The following RPH3AL variants were observed in gnomAD, a reference collection of about 807,000 sequenced individuals.
RPH3AL encodes rab effector Noc2.
A neutral mutation model predicts 43.1 loss-of-function variants in RPH3AL; 38 were observed. The ratio of observed to expected loss-of-function variants is 0.88; its 90% CI spans 0.68 to 1.15. The LOEUF is 1.15. Ranked by LOEUF, RPH3AL falls within the 50% of genes most tolerant of loss-of-function variation. RPH3AL has a pLI of 0.00. For synonymous variants in RPH3AL, 189 were observed against 176.3 expected (o/e 1.07, Z -0.57); for missense variants, 462 against 423.2 (o/e 1.09, Z -0.81).
In RPH3AL at chr17:213,773, C is replaced by A. The variant is rs1434384116; in HGVS notation, c.*79G>T. The A allele has an allele frequency of 3.3e-6, 4 of 1,199,824 alleles. No homozygotes were observed. In the African/African-American group the frequency reaches 4.5e-5, roughly 13 times the overall value. 74.3% of individuals were successfully genotyped at this position (1,199,824 alleles called of 1,614,324 possible). A position where few individuals can be genotyped will look rare whatever the true frequency, so the allele number is the denominator to read the frequency against. On this transcript the variant is annotated 3_prime_UTR_variant, in exon 10 of 10. Transcript: ENST00000331302. ...GCCAACAGGGTGTCTGGTGAGGGCA[C>A]AAGGACCGGTCAGGGAGGAGCCGGG... is the stretch of plus-strand genomic sequence containing the variant.
At position 274,236 on chromosome 17, in the gene RPH3AL, CG is replaced by C. The variant is rs2042601780; in HGVS notation, c.438+7531del. Among the ~76,000 whole-genome samples the C allele has an allele frequency of 6.6e-6, 1 of 152,236 alleles. No individual in the cohort carries two copies. The highest frequency in any genetic ancestry group is 6.5e-5 in the Admixed American group (1 of 15,282). ...GAAAAGGCACCGCGAAACCCCAGCC[CG>C]GGGCCTCTGACAGCTCAGCACCAGG... On this transcript the variant is annotated intron_variant, in intron 6 of 9. Transcript: ENST00000331302. The surrounding 1 kb of genome is among the most constrained non-coding windows in gnomAD (Gnocchi z 4.7).
chr17:268,969 C>T (rs1299090326), intron 6 of RPH3AL, among the ~76,000 whole-genome samples: 2 of 152,178 alleles, frequency 1.3e-5, no homozygotes, highest in Admixed American at 6.5e-5. Flanking sequence ...AGCTCTGCCT[C>T]CCGGGTTCAC....
In RPH3AL at chr17:289,631, C is replaced by T. The variant is rs2042999454; in HGVS notation, c.352-7777G>A. Among the ~76,000 whole-genome samples, 1 of 152,176 alleles carries T rather than the reference C, an allele frequency of 6.6e-6. No homozygotes were observed. Among genetic ancestry groups the T allele is most frequent in the African/African-American group, 2.4e-5 (1 of 41,430 alleles). ...AGGCTTCCCGCTGCTCTGGGGTGAC[C>T]ACCGCCTCACTTCATACGGCATTCG... On this transcript the variant is annotated intron_variant, in intron 5 of 9. Coordinates refer to ENST00000331302, the MANE Select transcript of RPH3AL (RefSeq NM_006987.4). This position sits in a 1 kb window ranked among gnomAD's most constrained non-coding sequence, Gnocchi z 5.2.
At position 339,930 on chromosome 17, in the gene RPH3AL, C is replaced by A. The variant is rs1434521571; in HGVS notation, c.-212-5996G>T. Among the ~76,000 whole-genome samples the A allele has an allele frequency of 2.0e-5, 3 of 152,128 alleles. No homozygotes were observed. The East Asian group carries it at 5.8e-4, about 29-fold the overall frequency. ...GAGACGGGCTGGCTGTTTCCCGGAGCAGGCAGGGGCTGGGACCTGTGGGAC... is the reference window on the plus strand; with the variant it reads ...GAGACGGGCTGGCTGTTTCCCGGAGAAGGCAGGGGCTGGGACCTGTGGGAC... On this transcript the variant is annotated intron_variant, in intron 1 of 9. Coordinates refer to ENST00000331302, the MANE Select transcript of RPH3AL (RefSeq NM_006987.4).
rs374581122 is a variant in RPH3AL at position 250,446 on chromosome 17, G to A, written c.439-3161C>T. Among the ~76,000 whole-genome samples, 66 of 143,046 alleles carry A rather than the reference G, an allele frequency of 4.6e-4. 1 individual carries two copies. The South Asian group carries it at 0.015, about 33-fold the overall frequency. The allele number at this position is 143,046 out of a possible 152,430, so 93.8% of individuals were successfully genotyped here. On this transcript the variant is annotated intron_variant, in intron 6 of 9. Transcript: ENST00000331302. The stretch of plus-strand genomic sequence containing the variant: ...AGCCTTTACTAAGCTCCGTCACTGC[G>A]GGACCTCTTAGAGCCTAAGTGCCAT...
chr17:336,365 G>C lies in RPH3AL; in HGVS notation c.-212-2431C>G, dbSNP rs370174091. Among the ~76,000 whole-genome samples, 38 of 152,294 alleles carry C rather than the reference G, an allele frequency of 2.5e-4. No homozygotes were observed. In the East Asian group the frequency reaches 3.3e-3, roughly 13 times the overall value. On this transcript the variant is annotated intron_variant, in intron 1 of 9. Coordinates refer to ENST00000331302, the MANE Select transcript of RPH3AL (RefSeq NM_006987.4). ...AAAGAACCACTCACTCGGAAGCGTT[G>C]CAGGCTGACTATGCACCAAGCGGGC... is the stretch of plus-strand genomic sequence containing the variant.
chr17:308,583 G>A (rs1411408658), intron 5 of RPH3AL, among the ~76,000 whole-genome samples: 1 of 152,172 alleles, frequency 6.6e-6, no homozygotes, highest in African/African-American at 2.4e-5. Context: ...ACACAAAGTG[G>A]GGTATGCACA....
intron 5 of RPH3AL, among the ~76,000 whole-genome samples, chr17:285,737 G>A (rs551074475): frequency 9.9e-5 from 15 of 152,240 alleles, no homozygotes; most frequent in South Asian, 6.2e-4. Context: ...GACGGCGCTC[G>A]GCCAGAGGAC....
chr17:305,498 G>A (rs1361862884), intron 5 of RPH3AL, among the ~76,000 whole-genome samples: 4 of 152,088 alleles, frequency 2.6e-5, no homozygotes, highest in East Asian at 1.9e-4. Context: ...GTTACAGGTC[G>A]GTTCCTTCTC....
At chr17:272,966 GT>G (rs2042521977) in intron 6 of RPH3AL, among the ~76,000 whole-genome samples, 1 of 52,502 alleles carries the variant, frequency 1.9e-5, no homozygotes, top group African/African-American at 6.1e-5. Flanking sequence ...CTACGTCAGG[GT>G]GAGACCCCAG....
chr17:260,234 G>A (rs7215219), intron 6 of RPH3AL, among the ~76,000 whole-genome samples: 104,970 of 152,082 alleles, frequency 0.69, 36,255 homozygotes, highest in African/African-American at 0.73. Context: ...ACGCTTCCCC[G>A]GAGGGCTTCA....
rs4985584 is a variant in RPH3AL, at chr17:323,061, A to G, written c.78-1646T>C. Among the ~76,000 whole-genome samples the G allele has an allele frequency of 0.85, 128,472 of 151,948 alleles. 55,289 individuals are homozygous for G. Among genetic ancestry groups the G allele is most frequent in the East Asian group, 0.96 (4,944 of 5,166 alleles). On this transcript the variant is annotated intron_variant, in intron 3 of 9. Transcript: ENST00000331302. The surrounding 1 kb of genome is among the most constrained non-coding windows in gnomAD (Gnocchi z 4.4). ...CAATTGCCTGCAAATGGTCGTTAAT[A>G]GTGATAACTGTAATTATCATGGGGA...
intron 7 of RPH3AL, among the ~76,000 whole-genome samples, chr17:228,328 T>C (rs2041151461): frequency 6.6e-6 from 1 of 152,030 alleles, no homozygotes; most frequent in Non-Finnish European, 1.5e-5. Flanking sequence ...CAGGCGTGAG[T>C]GCCCGGCCCT....
chr17:222,230 CA>C, intron 7 of RPH3AL, among the ~76,000 whole-genome samples: 2 of 152,388 alleles, frequency 1.3e-5, no homozygotes, highest in South Asian at 4.1e-4. Flanking sequence ...TAGGAAACAG[CA>C]TTACCCCCAT....
At position 340,552 on chromosome 17, in the gene RPH3AL, C is replaced by G. The variant is rs1412917959; in HGVS notation, c.-212-6618G>C. On this transcript the variant is annotated intron_variant, in intron 1 of 9. Coordinates refer to ENST00000331302, the MANE Select transcript of RPH3AL (RefSeq NM_006987.4). ...TCCCCACGTCCACACTCACTGCCCC[C>G]CACCCAGGCCTCCCCACATCCACAC... 1.9e-3 allele frequency among the ~76,000 whole-genome samples: 2 copies of G among 1,072 alleles called. 1 individual carries two copies. The highest frequency in any genetic ancestry group is 6.5e-3 in the Non-Finnish European group (2 of 306). 0.7% of individuals were successfully genotyped at this position (1,072 alleles called of 152,430 possible). A position where few individuals can be genotyped will look rare whatever the true frequency, so the allele number is the denominator to read the frequency against.
At chr17:299,759 A>AGATATT (rs1465797638) in intron 5 of RPH3AL, among the ~76,000 whole-genome samples, 4 of 152,218 alleles carry the variant, frequency 2.6e-5, no homozygotes, top group Non-Finnish European at 5.9e-5. Flanking sequence ...TATTTACCAC[A>AGATATT]ACAGAGGACG....
At chr17:347,409 T>C (rs1223229666) in intron 1 of RPH3AL, among the ~76,000 whole-genome samples, 2 of 152,138 alleles carry the variant, frequency 1.3e-5, no homozygotes, top group African/African-American at 4.8e-5. Flanking sequence ...AGTGGGACTT[T>C]GTATCTATGA....
intron 7 of RPH3AL, among the ~76,000 whole-genome samples, chr17:244,847 G>A (rs563879237): frequency 1.1e-4 from 16 of 152,322 alleles, no homozygotes; most frequent in East Asian, 1.9e-4. Flanking sequence ...GTATGTGTGC[G>A]TGTGGGCAAC....
chr17:227,181 G>A (rs9915328), intron 7 of RPH3AL, among the ~76,000 whole-genome samples: 1 of 152,244 alleles, frequency 6.6e-6, no homozygotes, highest in East Asian at 1.9e-4. Context: ...CCTGCTTGCC[G>A]GGTGCTCATC....
Sources: allele counts gnomAD v4.1 joint callset (sites outside exome capture counted in the v4.1 genomes callset), GRCh38; gene constraint gnomAD v4.1.1; non-coding constraint Gnocchi (gnomAD v3.1); transcripts MANE v1.5; gene names NCBI Gene and HGNC (gene_info 2026-07-23, HGNC 2026-07-21).